The following GABRG3 variants were observed in gnomAD, a reference collection of about 807,000 sequenced individuals.
GABRG3 encodes gamma-aminobutyric acid receptor subunit gamma-3.
Under a neutral mutation model 48.8 loss-of-function variants are expected in GABRG3, and 25 were observed. The observed-to-expected ratio is 0.51, with a 90% CI of 0.37 to 0.72. The LOEUF is 0.72. Ranked by LOEUF, GABRG3 falls within the 30% of genes least tolerant of loss-of-function variation. The probability of loss-of-function intolerance (pLI) is 0.00; values close to 1 mark genes in which losing one functional copy is unlikely to be tolerated. For missense variants in GABRG3, 394 were observed against 577.9 expected, an observed-to-expected ratio of 0.68 and a Z score of 3.26; for synonymous variants, 227 against 217.6, an observed-to-expected ratio of 1.04 and a Z score of -0.38.
intron 3 of GABRG3, among the ~76,000 whole-genome samples, chr15:27,036,749 G>A (rs1054248212): frequency 2.0e-5 from 3 of 152,104 alleles, no homozygotes; most frequent in Non-Finnish European, 4.4e-5. Context: ...TGAAAGGCCA[G>A]CCTTCCTTGA....
chr15:27,049,343 A>G (rs950326766), intron 3 of GABRG3, among the ~76,000 whole-genome samples: 2 of 152,204 alleles, frequency 1.3e-5, no homozygotes, highest in Admixed American at 1.3e-4. Flanking sequence ...ATTTATTTAA[A>G]CCCTCATATG....
intron 3 of GABRG3, among the ~76,000 whole-genome samples, chr15:27,202,033 A>G (rs1888700256): frequency 6.6e-6 from 1 of 152,206 alleles, no homozygotes; most frequent in Non-Finnish European, 1.5e-5. Flanking sequence ...GCAGCATTTC[A>G]TTGCCAATTT....
intron 7 of GABRG3, among the ~76,000 whole-genome samples, chr15:27,523,118 G>A (rs1891195865): frequency 6.6e-6 from 1 of 151,786 alleles, no homozygotes; most frequent in South Asian, 2.1e-4. Flanking sequence ...AACTAGAAAT[G>A]TTAAATTTCT....
In GABRG3 at chr15:27,295,142, C is replaced by T. The variant is rs569006554; in HGVS notation, c.271-31667C>T. The stretch of plus-strand genomic sequence containing the variant: ...AGAACTAATCTGAAAGCAAAGTGTC[C>T]CTAAAGAGAAACCCATCAAAAGTCA... On this transcript the variant is annotated intron_variant, in intron 3 of 9. Transcript: ENST00000615808. 2.0e-5 allele frequency: 3 copies of T among 152,154 alleles called. No homozygotes were observed. In the East Asian group the frequency reaches 5.8e-4, roughly 29 times the overall value. 9.4% of individuals were successfully genotyped at this position (152,154 alleles called of 1,614,324 possible).
At chr15:27,481,915 A>C (rs1890109156) in intron 6 of GABRG3, among the ~76,000 whole-genome samples, 1 of 152,204 alleles carries the variant, frequency 6.6e-6, no homozygotes, top group Admixed American at 6.5e-5. Flanking sequence ...GCAATGTACC[A>C]GCAGACCTTT....
At chr15:27,381,508 G>A (rs1895775874) in intron 5 of GABRG3, among the ~76,000 whole-genome samples, 1 of 152,190 alleles carries the variant, frequency 6.6e-6, no homozygotes, top group African/African-American at 2.4e-5. Context: ...GTCCATTACA[G>A]TTTAGGTTTT....
At chr15:27,154,867 C>T (rs1335691446) in intron 3 of GABRG3, among the ~76,000 whole-genome samples, 1 of 151,906 alleles carries the variant, frequency 6.6e-6, no homozygotes, top group Non-Finnish European at 1.5e-5. Context: ...TAGCAACGTT[C>T]CTTCCTTATC....
At chr15:27,088,241 T>G (rs1373046201) in intron 3 of GABRG3, among the ~76,000 whole-genome samples, 13 of 90,052 alleles carry the variant, frequency 1.4e-4, no homozygotes, top group African/African-American at 3.6e-4. Flanking sequence ...GTTCTGGGAG[T>G]GCTCGGGGCG....
At chr15:27,097,925 C>T (rs1897292103) in intron 3 of GABRG3, among the ~76,000 whole-genome samples, 2 of 144,174 alleles carry the variant, frequency 1.4e-5, no homozygotes, top group African/African-American at 5.4e-5. Flanking sequence ...TTTTTTTCTT[C>T]TTAAATCTAT....
In GABRG3 at chr15:27,179,404, A is replaced by G. The variant is rs1887852331; in HGVS notation, c.271-147405A>G. 6.6e-6 allele frequency among the ~76,000 whole-genome samples: 1 copy of G among 152,174 alleles called. No individual in the cohort carries two copies. The highest frequency in any genetic ancestry group is 1.5e-5 in the Non-Finnish European group (1 of 68,034). ...CGTTGTGCTTTTTCCATTTTTGTTG[A>G]TAATGATGCCCTCAGTTTTGTAATT... On this transcript the variant is annotated intron_variant, in intron 3 of 9. Coordinates refer to ENST00000615808, the MANE Select transcript of GABRG3 (RefSeq NM_033223.5). The surrounding 1 kb of genome is among the most constrained non-coding windows in gnomAD (Gnocchi z 4.0).
intron 3 of GABRG3, among the ~76,000 whole-genome samples, chr15:27,322,902 A>G (rs1039447935): frequency 6.6e-6 from 1 of 152,172 alleles, no homozygotes; most frequent in Non-Finnish European, 1.5e-5. Context: ...TACCCTTGGA[A>G]GGAAGGGTGG....
At chr15:27,087,694 TG>T (rs1234953075) in intron 3 of GABRG3, among the ~76,000 whole-genome samples, 1 of 151,288 alleles carries the variant, frequency 6.6e-6, no homozygotes, top group African/African-American at 2.4e-5. Context: ...AATGTATGAG[TG>T]GGGGTGTGTA....
intron 3 of GABRG3, among the ~76,000 whole-genome samples, chr15:27,205,704 G>A (rs115605879): frequency 0.021 from 3,217 of 151,536 alleles, 119 homozygotes; most frequent in African/African-American, 0.074. Flanking sequence ...GGCTTTTCCC[G>A]GTTGGTAGGA....
At chr15:27,343,489 C>T (rs575562163) in intron 5 of GABRG3, among the ~76,000 whole-genome samples, 14 of 152,286 alleles carry the variant, frequency 9.2e-5, no homozygotes, top group Non-Finnish European at 4.4e-5. Flanking sequence ...AAAAGTTTGG[C>T]CTTGTTGATT....
chr15:27,264,423 A>G (rs569702014), intron 3 of GABRG3, among the ~76,000 whole-genome samples: 1 of 152,204 alleles, frequency 6.6e-6, no homozygotes, highest in East Asian at 1.9e-4. Context: ...GAACTGCCTT[A>G]TTTACATTGT....
intron 5 of GABRG3, among the ~76,000 whole-genome samples, chr15:27,410,253 C>T (rs988874377): frequency 3.3e-5 from 5 of 152,080 alleles, no homozygotes; most frequent in East Asian, 1.9e-4. Flanking sequence ...GAATAAATCC[C>T]ATTTTGGGGT....
chr15:27,261,658 G>A (rs1003614964), intron 3 of GABRG3, among the ~76,000 whole-genome samples: 1 of 151,788 alleles, frequency 6.6e-6, no homozygotes, highest in Non-Finnish European at 1.5e-5. Flanking sequence ...TGACATTTTT[G>A]TTGACAAAGA....
intron 3 of GABRG3, among the ~76,000 whole-genome samples, chr15:27,305,625 A>G (rs936112491): frequency 2.8e-5 from 4 of 140,848 alleles, no homozygotes; most frequent in Non-Finnish European, 4.6e-5. Flanking sequence ...AAACATATAT[A>G]TAATATAAAC....
intron 5 of GABRG3, among the ~76,000 whole-genome samples, chr15:27,336,194 GAAAGAAAGAA>G (rs1271323180): frequency 3.2e-5 from 4 of 125,436 alleles, no homozygotes; most frequent in African/African-American, 1.3e-4. Context: ...AGTATGAAAA[GAAAGAAAGAA>G]AGAAAGAGAG....
Sources: gnomAD v4.1 joint callset for allele counts (sites outside exome capture counted in the v4.1 genomes callset) on GRCh38, gnomAD v4.1.1 for gene constraint, Gnocchi (gnomAD v3.1) non-coding constraint, MANE v1.5 for transcripts, NCBI Gene and HGNC (gene_info 2026-07-23, HGNC 2026-07-21) for gene names.